MRAP2: variants seen among roughly 807,000 people sequenced by gnomAD.
MRAP2 encodes the protein melanocortin 2 receptor accessory protein 2, also known as melanocortin-2 receptor accessory protein 2.
MRAP2 carries 20 observed loss-of-function variants against 17.4 expected under a neutral mutation model. That is an observed-to-expected ratio of 1.15 (90% CI 0.81 to 1.67). The LOEUF is 1.67. Ranked by LOEUF, MRAP2 falls within the 40% of genes most tolerant of loss-of-function variation. MRAP2 has a pLI of 0.00. For synonymous variants in MRAP2, 96 were observed against 88.4 expected (o/e 1.09, Z -0.48); for missense variants, 238 against 240.0 (o/e 0.99, Z 0.05).
chr6:84,088,439 C>G (rs933173391), intron 3 of MRAP2, among the ~76,000 whole-genome samples: 3 of 152,170 alleles, frequency 2.0e-5, no homozygotes, highest in African/African-American at 7.2e-5. Context: ...TATTCCCACT[C>G]ATACCACAAA....
At chr6:84,123,253 C>CAAAAA in the MRAP2 span, among the ~76,000 whole-genome samples, 341 of 119,434 alleles carry the variant, frequency 2.9e-3, 3 homozygotes, top group African/African-American at 9.1e-3. Context: ...CGCCCAACTC[C>CAAAAA]AAAAAAAAAA....
At chr6:84,111,077 T>C in the MRAP2 span, among the ~76,000 whole-genome samples, 1 of 152,166 alleles carries the variant, frequency 6.6e-6, no homozygotes, top group Admixed American at 6.6e-5. Flanking sequence ...TTGTCTTGGC[T>C]AAATGAGCTG....
chr6:84,111,104 T>G, the MRAP2 span, among the ~76,000 whole-genome samples: 24 of 152,194 alleles, frequency 1.6e-4, no homozygotes, highest in Non-Finnish European at 2.8e-4. Flanking sequence ...TGGTTCCCTA[T>G]GAAATTTAAA....
the MRAP2 span, among the ~76,000 whole-genome samples, chr6:84,120,577 G>A: frequency 6.6e-6 from 1 of 152,188 alleles, no homozygotes; most frequent in South Asian, 2.1e-4. Context: ...TTTATATATA[G>A]AACTGAAGAC....
chr6:84,055,171 GA>G (rs918831349), intron 1 of MRAP2, 140 bp from the exon 2 acceptor site: 7 of 839,146 alleles, frequency 8.3e-6, no homozygotes, highest in Non-Finnish European at 1.1e-5. Flanking sequence ...CAGCTGGTAA[GA>G]ACCTCTCCTG....
intron 1 of MRAP2, among the ~76,000 whole-genome samples, chr6:84,053,013 T>G (rs2099490818): frequency 6.6e-6 from 1 of 152,160 alleles, no homozygotes; most frequent in Non-Finnish European, 1.5e-5. Context: ...CAGTTAACTC[T>G]TACACACTGA....
At chr6:84,117,067 G>A in the MRAP2 span, among the ~76,000 whole-genome samples, 2 of 150,578 alleles carry the variant, frequency 1.3e-5, no homozygotes, top group Middle Eastern at 3.4e-3. Context: ...CTGTTGCCCA[G>A]TCTGGAGTGT....
chr6:84,119,868 TAAAG>T, the MRAP2 span, among the ~76,000 whole-genome samples: 4 of 152,142 alleles, frequency 2.6e-5, no homozygotes, highest in East Asian at 1.9e-4. Context: ...CAAAACCAAT[TAAAG>T]AAACTCATCC....
At chr6:84,085,988 A>G (rs1326829973) in intron 3 of MRAP2, among the ~76,000 whole-genome samples, 1 of 152,240 alleles carries the variant, frequency 6.6e-6, no homozygotes, top group Non-Finnish European at 1.5e-5. Context: ...GAGAGCTCAA[A>G]GGGCTCAAGG....
At chr6:84,040,063 A>T (rs1250259652) in intron 1 of MRAP2, among the ~76,000 whole-genome samples, 3 of 152,218 alleles carry the variant, frequency 2.0e-5, no homozygotes, top group Non-Finnish European at 2.9e-5. Flanking sequence ...CTCATCTTGA[A>T]CTGAATTCCC....
At chr6:84,036,696 G>A (rs1283350621) in intron 1 of MRAP2, among the ~76,000 whole-genome samples, 2 of 152,162 alleles carry the variant, frequency 1.3e-5, no homozygotes, top group Admixed American at 6.5e-5. Context: ...GCTGGCTCCA[G>A]TAGCCTGCTT....
At chr6:84,126,590 G>A in the MRAP2 span, 1 of 1,103,772 alleles carries the variant, frequency 9.1e-7, no homozygotes, top group Non-Finnish European at 1.2e-6. Context: ...CAGAATATTT[G>A]TATAAAATTT....
intron 3 of MRAP2, among the ~76,000 whole-genome samples, chr6:84,085,155 C>T (rs1324355996): frequency 2.6e-5 from 4 of 151,428 alleles, no homozygotes; most frequent in African/African-American, 2.4e-5. Flanking sequence ...CCCAGGTTCA[C>T]GCCATTCTCC....
At chr6:84,119,247 T>C in the MRAP2 span, among the ~76,000 whole-genome samples, 2,090 of 152,336 alleles carry the variant, frequency 0.014, 38 homozygotes, top group African/African-American at 0.047. Flanking sequence ...AGGAATTTCA[T>C]TGAATCTACA....
At chr6:84,117,031 T>C in the MRAP2 span, among the ~76,000 whole-genome samples, 1 of 152,022 alleles carries the variant, frequency 6.6e-6, no homozygotes, top group Non-Finnish European at 1.5e-5. Context: ...TTTCTTTCTA[T>C]TTTTTTCATG....
intron 1 of MRAP2, among the ~76,000 whole-genome samples, chr6:84,044,897 A>T (rs1348511372): frequency 6.6e-6 from 1 of 152,216 alleles, no homozygotes; most frequent in African/African-American, 2.4e-5. Flanking sequence ...TTGTGGATGG[A>T]AAATATTTAA....
At chr6:84,107,791 G>A in the MRAP2 span, among the ~76,000 whole-genome samples, 45 of 152,338 alleles carry the variant, frequency 3.0e-4, no homozygotes, top group Middle Eastern at 6.8e-3. Context: ...AAAGGCATTT[G>A]CCAGATTAAT....
chr6:84,081,079 TTGTA>T (rs2099498847), intron 3 of MRAP2, among the ~76,000 whole-genome samples: 1 of 152,060 alleles, frequency 6.6e-6, no homozygotes. Flanking sequence ...AGAACAACAG[TTGTA>T]TTAGGGATGT....
At chr6:84,115,707 T>C in the MRAP2 span, among the ~76,000 whole-genome samples, 1 of 152,132 alleles carries the variant, frequency 6.6e-6, no homozygotes, top group East Asian at 1.9e-4. Context: ...GCCCTGATGA[T>C]GTAGGCACCG....
Sources: gnomAD v4.1 joint callset for allele counts (sites outside exome capture counted in the v4.1 genomes callset) on GRCh38, gnomAD v4.1.1 for gene constraint, MANE v1.5 for transcripts, NCBI Gene and HGNC (gene_info 2026-07-23, HGNC 2026-07-21) for gene names.